The following AIG1 variants were observed in gnomAD, a reference collection of about 807,000 sequenced individuals.
The protein encoded by AIG1 is androgen-induced gene 1 protein.
AIG1 carries 23 observed loss-of-function variants against 31.4 expected under a neutral mutation model. The observed-to-expected ratio is 0.73, with a 90% CI of 0.53 to 1.04. The LOEUF is 1.04. Among genes scored for constraint, AIG1 ranks in the 50% least tolerant of loss-of-function variants. The pLI is 0.00. For missense variants in AIG1, 274 were observed against 295.0 expected, an observed-to-expected ratio of 0.93 and a Z score of 0.52; for synonymous variants, 100 against 110.5, an observed-to-expected ratio of 0.90 and a Z score of 0.60.
intron 2 of AIG1, among the ~76,000 whole-genome samples, chr6:143,146,701 G>A (rs1364080406): frequency 6.6e-6 from 1 of 152,110 alleles, no homozygotes; most frequent in African/African-American, 2.4e-5. Context: ...AACTCCTTTA[G>A]CTGGACCAAA....
chr6:143,134,396 C>CTTTTTTTTT (rs61322198), intron 1 of AIG1, among the ~76,000 whole-genome samples: 1 of 111,408 alleles, frequency 9.0e-6, no homozygotes, highest in East Asian at 2.5e-4. Context: ...TCCTGGTTTC[C>CTTTTTTTTT]TTTTTTTTTT....
rs80228833 is a variant in AIG1, at chr6:143,061,277, G to T, written c.141+211G>T. 1,423 of 695,626 alleles carry T rather than the reference G, an allele frequency of 2.0e-3. 16 individuals carry two copies. Among genetic ancestry groups the T allele is most frequent in the African/African-American group, 0.017 (966 of 56,666 alleles). 43.1% of individuals were successfully genotyped at this position (695,626 alleles called of 1,614,324 possible). Reference sequence around the variant, plus strand: ...CCTTCTGAACCACTCACCGTTACCTGGTAGCTGGGTACCCTTACCTGGCAA... The same window carrying T: ...CCTTCTGAACCACTCACCGTTACCTTGTAGCTGGGTACCCTTACCTGGCAA... On this transcript the variant is annotated intron_variant, in intron 1 of 5. Transcript: ENST00000357847.
At chr6:143,242,207 G>T (rs1794289423) in intron 3 of AIG1, among the ~76,000 whole-genome samples, 1 of 152,160 alleles carries the variant, frequency 6.6e-6, no homozygotes, top group Non-Finnish European at 1.5e-5. Flanking sequence ...CCAAATTTCA[G>T]AAACAACAAG....
chr6:143,234,255 T>G (rs2128633827), intron 3 of AIG1, among the ~76,000 whole-genome samples: 1 of 152,326 alleles, frequency 6.6e-6, no homozygotes, highest in South Asian at 2.1e-4. Flanking sequence ...AGGTAAAAGA[T>G]TTCTTTTTAT....
At chr6:143,100,766 A>G (rs896359660) in intron 1 of AIG1, among the ~76,000 whole-genome samples, 1 of 151,844 alleles carries the variant, frequency 6.6e-6, no homozygotes, top group Admixed American at 6.6e-5. Flanking sequence ...ACTCACTGCA[A>G]CCTATGCCTC....
At chr6:143,095,809 A>G (rs1232595941) in intron 1 of AIG1, among the ~76,000 whole-genome samples, 1 of 152,184 alleles carries the variant, frequency 6.6e-6, no homozygotes, top group Non-Finnish European at 1.5e-5. Flanking sequence ...ACAATGAAGT[A>G]GAAATGATAT....
intron 3 of AIG1, among the ~76,000 whole-genome samples, chr6:143,227,791 G>A (rs1793119908): frequency 6.6e-6 from 1 of 152,162 alleles, no homozygotes; most frequent in Non-Finnish European, 1.5e-5. Flanking sequence ...ACATGCACAG[G>A]GACCCAGGAC....
At chr6:143,147,877 T>TA (rs1784838933) in intron 2 of AIG1, among the ~76,000 whole-genome samples, 1 of 152,304 alleles carries the variant, frequency 6.6e-6, no homozygotes, top group South Asian at 2.1e-4. Flanking sequence ...GACTTTCACT[T>TA]ACATGCTTGC....
rs1390173961 is a variant in AIG1 at position 143,291,747 on chromosome 6, C to A, written c.515+7522C>A. On this transcript the variant is annotated intron_variant, in intron 4 of 5. Coordinates refer to ENST00000357847, the MANE Select transcript of AIG1 (RefSeq NM_016108.4). This position sits in a 1 kb window ranked among gnomAD's most constrained non-coding sequence, Gnocchi z 4.2. The stretch of plus-strand genomic sequence containing the variant: ...GTTCCAGCAATAAGCCTGCTGTGTT[C>A]AAGGAAAGCAGAAGGCCACTGTGTG... 6.6e-6 allele frequency among the ~76,000 whole-genome samples: 1 copy of A among 152,138 alleles called. No individual in the cohort carries two copies. Among genetic ancestry groups the A allele is most frequent in the Non-Finnish European group, 1.5e-5 (1 of 68,032 alleles).
chr6:143,295,591 C>T (rs1349971517), intron 4 of AIG1, among the ~76,000 whole-genome samples: 1 of 152,030 alleles, frequency 6.6e-6, no homozygotes, highest in Non-Finnish European at 1.5e-5. Context: ...AAACAAATCC[C>T]ACCTCTCCCC....
intron 2 of AIG1, 114 bp from the exon 3 acceptor site, chr6:143,164,968 T>A: frequency 1.3e-6 from 1 of 767,012 alleles, no homozygotes; most frequent in Admixed American, 2.2e-5. Flanking sequence ...TACTGAGCTG[T>A]CTTTCATCAT....
At chr6:143,196,145 G>T (rs1409472623) in intron 3 of AIG1, among the ~76,000 whole-genome samples, 1 of 152,144 alleles carries the variant, frequency 6.6e-6, no homozygotes, top group Non-Finnish European at 1.5e-5. Context: ...ACTGCTTAAT[G>T]TACTGTCATC....
At chr6:143,216,666 C>A (rs1792054726) in intron 3 of AIG1, among the ~76,000 whole-genome samples, 1 of 152,180 alleles carries the variant, frequency 6.6e-6, no homozygotes, top group African/African-American at 2.4e-5. Context: ...TCAGGAATGG[C>A]AAATTGATTT....
intron 3 of AIG1, among the ~76,000 whole-genome samples, chr6:143,180,313 G>A (rs1182139540): frequency 6.6e-6 from 1 of 152,180 alleles, no homozygotes; most frequent in African/African-American, 2.4e-5. Flanking sequence ...TTTAAAGGTT[G>A]GAAATGGCAT....
intron 3 of AIG1, among the ~76,000 whole-genome samples, chr6:143,200,411 C>T (rs1005369413): frequency 3.3e-5 from 5 of 152,082 alleles, no homozygotes; most frequent in Non-Finnish European, 5.9e-5. Flanking sequence ...CCCTGCCCAC[C>T]CCCACTACTG....
At position 143,256,557 on chromosome 6, in the gene AIG1, A is replaced by G. The variant is rs1795386365; in HGVS notation, c.400-27553A>G. On this transcript the variant is annotated intron_variant, in intron 3 of 5. Coordinates refer to ENST00000357847, the MANE Select transcript of AIG1 (RefSeq NM_016108.4). The surrounding 1 kb of genome is among the most constrained non-coding windows in gnomAD (Gnocchi z 4.6). Reference sequence around the variant, plus strand: ...AATGTTTCTTTAGTTATTGAACCCTAAATCCAAACAAAATCTTCCATGGAC... The same window carrying G: ...AATGTTTCTTTAGTTATTGAACCCTGAATCCAAACAAAATCTTCCATGGAC... 6.6e-6 allele frequency among the ~76,000 whole-genome samples: 1 copy of G among 152,210 alleles called. No homozygotes were observed. Among genetic ancestry groups the G allele is most frequent in the Non-Finnish European group, 1.5e-5 (1 of 68,040 alleles).
At chr6:143,194,923 C>T (rs574454366) in intron 3 of AIG1, among the ~76,000 whole-genome samples, 14 of 152,326 alleles carry the variant, frequency 9.2e-5, no homozygotes, top group Admixed American at 2.6e-4. Context: ...AGCAGTACTA[C>T]GGGGGAGTCC....
At chr6:143,304,965 G>A (rs569084950) in intron 4 of AIG1, among the ~76,000 whole-genome samples, 13 of 152,272 alleles carry the variant, frequency 8.5e-5, no homozygotes, top group Non-Finnish European at 1.5e-4. Flanking sequence ...GAGGGTGTAT[G>A]TGTCCAGGAA....
chr6:143,193,857 G>T (rs1046450204), intron 3 of AIG1, among the ~76,000 whole-genome samples: 2 of 152,154 alleles, frequency 1.3e-5, no homozygotes, highest in African/African-American at 4.8e-5. Flanking sequence ...TCATGGAAGG[G>T]CATACTGAAG....
Sources: gnomAD v4.1 joint callset for allele counts (sites outside exome capture counted in the v4.1 genomes callset) on GRCh38, gnomAD v4.1.1 for gene constraint, Gnocchi (gnomAD v3.1) non-coding constraint, MANE v1.5 for transcripts, NCBI Gene and HGNC (gene_info 2026-07-23, HGNC 2026-07-21) for gene names.